PCBP3: variants seen among roughly 807,000 people sequenced by gnomAD.
The protein encoded by PCBP3 is poly(rC)-binding protein 3.
PCBP3 carries 25 observed loss-of-function variants against 52.7 expected under a neutral mutation model. That is an observed-to-expected ratio of 0.47 (90% confidence interval 0.35 to 0.66). The LOEUF (loss-of-function observed/expected upper bound fraction) is 0.66. PCBP3 is among the 30% of genes least tolerant of loss of function. The pLI is 0.01. For synonymous variants in PCBP3, 162 were observed against 183.0 expected (o/e 0.89, Z 0.93); for missense variants, 391 against 490.3 (o/e 0.80, Z 1.91).
chr21:45,860,150 A>G (rs2094456713), intron 5 of PCBP3, among the ~76,000 whole-genome samples: 1 of 139,342 alleles, frequency 7.2e-6, no homozygotes, highest in Non-Finnish European at 1.5e-5. Flanking sequence ...GACCAGAGCC[A>G]GGCCCAGGTG....
At position 45,901,177 on chromosome 21, in the gene PCBP3, C is replaced by T. The variant is rs1213164946; in HGVS notation, c.339+64C>T. ...GGCAGGCCTGGTCCCAGCTGGCTCC[C>T]TGGGTCCTCTCCCCTACACCTGGAC... On this transcript the variant is annotated intron_variant, in intron 9 of 17. Coordinates refer to ENST00000681687, the MANE Select transcript of PCBP3 (RefSeq NM_001384156.1). 4 of 1,149,758 alleles carry T rather than the reference C, an allele frequency of 3.5e-6. No homozygotes were observed. In the African/African-American group the frequency reaches 6.0e-5, roughly 17 times the overall value. 71.2% of individuals were successfully genotyped at this position (1,149,758 alleles called of 1,614,324 possible).
rs1178613544 is a variant in PCBP3 at position 45,735,111 on chromosome 21, G to A, written c.-199-281G>A. On this transcript the variant is annotated intron_variant, in intron 2 of 17. Coordinates refer to ENST00000681687, the MANE Select transcript of PCBP3 (RefSeq NM_001384156.1). This position sits in a 1 kb window ranked among gnomAD's most constrained non-coding sequence, Gnocchi z 4.0. Reference sequence around the variant, plus strand: ...CTGTGCCCCAGACGTCAGTCAGGCCGAGGACTGTGGGTCAAGGTTCAGGGA... The same window carrying A: ...CTGTGCCCCAGACGTCAGTCAGGCCAAGGACTGTGGGTCAAGGTTCAGGGA... Among the ~76,000 whole-genome samples the A allele has an allele frequency of 1.3e-5, 2 of 152,210 alleles. No homozygotes were observed. Among genetic ancestry groups the A allele is most frequent in the Non-Finnish European group, 2.9e-5 (2 of 68,040 alleles).
At chr21:45,926,155 G>A (rs1182192321) in intron 13 of PCBP3, among the ~76,000 whole-genome samples, 2 of 152,226 alleles carry the variant, frequency 1.3e-5, no homozygotes, top group Non-Finnish European at 2.9e-5. Flanking sequence ...CACAGACGAT[G>A]GTGATGCCAT....
At chr21:45,893,755 T>C (rs2095748580) in intron 5 of PCBP3, 3 of 985,306 alleles carry the variant, frequency 3.0e-6, no homozygotes, top group African/African-American at 1.7e-5. Flanking sequence ...ACCAGAGCTC[T>C]GCCTGTTTCT....
chr21:45,819,684 C>T (rs1461176620), intron 4 of PCBP3, among the ~76,000 whole-genome samples: 1 of 152,224 alleles, frequency 6.6e-6, no homozygotes, highest in Non-Finnish European at 1.5e-5. Flanking sequence ...GGGGAAGGCT[C>T]CTGGGGACTG....
At chr21:45,813,063 T>C (rs1293894444) in intron 4 of PCBP3, among the ~76,000 whole-genome samples, 1 of 151,982 alleles carries the variant, frequency 6.6e-6, no homozygotes, top group Non-Finnish European at 1.5e-5. Context: ...TGATTGACAC[T>C]AGCCATCAAA....
intron 5 of PCBP3, chr21:45,872,458 T>G (rs1389088413): frequency 6.6e-6 from 1 of 152,250 alleles, no homozygotes; most frequent in African/African-American, 2.4e-5. Context: ...GAACACAGAT[T>G]TGGAACCAGT....
chr21:45,739,586 G>C (rs1603358394), intron 3 of PCBP3, among the ~76,000 whole-genome samples: 1 of 28,014 alleles, frequency 3.6e-5, no homozygotes, highest in Admixed American at 4.6e-4. Context: ...TCCTCTGGGT[G>C]CCCCCCCCCA....
chr21:45,784,331 G>A (rs2090874278), intron 4 of PCBP3, among the ~76,000 whole-genome samples: 3 of 103,712 alleles, frequency 2.9e-5, no homozygotes, highest in South Asian at 5.2e-4. Context: ...TGTTAATAGT[G>A]ACAGCTCTAC....
intron 2 of PCBP3, among the ~76,000 whole-genome samples, chr21:45,697,837 T>A (rs1384750153): frequency 6.6e-6 from 1 of 152,072 alleles, no homozygotes; most frequent in Admixed American, 6.5e-5. Context: ...TAGCCATGGC[T>A]CATTTTTGAA....
chr21:45,885,861 C>A (rs181808860), intron 5 of PCBP3, among the ~76,000 whole-genome samples: 13 of 152,352 alleles, frequency 8.5e-5, no homozygotes, highest in Admixed American at 7.8e-4. Context: ...ACAGCTCTGT[C>A]ATCCTGGGGC....
chr21:45,726,872 G>A (rs2085087371), intron 2 of PCBP3, among the ~76,000 whole-genome samples: 1 of 152,196 alleles, frequency 6.6e-6, no homozygotes, highest in Admixed American at 6.5e-5. Context: ...AAACTGGGTT[G>A]TTTATTTTCT....
At position 45,880,561 on chromosome 21, in the gene PCBP3, G is replaced by C. The variant is rs1378842482; in HGVS notation, c.11-15647G>C. Among the ~76,000 whole-genome samples the C allele has an allele frequency of 6.6e-6, 1 of 152,224 alleles. No individual in the cohort carries two copies. Among genetic ancestry groups the C allele is most frequent in the Non-Finnish European group, 1.5e-5 (1 of 68,048 alleles). ...GAGCTGGGCTCAGTGCTCATGGTGT[G>C]AATCTGTCTAATCCTTAAATACATA... On this transcript the variant is annotated intron_variant, in intron 5 of 17. Coordinates refer to ENST00000681687, the MANE Select transcript of PCBP3 (RefSeq NM_001384156.1). This position sits in a 1 kb window ranked among gnomAD's most constrained non-coding sequence, Gnocchi z 5.4.
At chr21:45,809,749 A>G (rs1471396621) in intron 4 of PCBP3, among the ~76,000 whole-genome samples, 3 of 152,154 alleles carry the variant, frequency 2.0e-5, no homozygotes. Flanking sequence ...ATCATCTCCC[A>G]TCAGAGACCC....
intron 1 of PCBP3, among the ~76,000 whole-genome samples, chr21:45,646,958 T>C (rs1454114408): frequency 6.6e-6 from 1 of 152,218 alleles, no homozygotes; most frequent in Non-Finnish European, 1.5e-5. Context: ...TACTCTCTTT[T>C]CTCTAATATT....
At chr21:45,647,486 A>G (rs1250757677) in intron 1 of PCBP3, among the ~76,000 whole-genome samples, 1 of 151,642 alleles carries the variant, frequency 6.6e-6, no homozygotes, top group African/African-American at 2.4e-5. Flanking sequence ...TTGAGGGGCA[A>G]TTCATTTGGG....
At chr21:45,730,058 T>C (rs887340231) in intron 2 of PCBP3, among the ~76,000 whole-genome samples, 1 of 151,986 alleles carries the variant, frequency 6.6e-6, no homozygotes, top group Non-Finnish European at 1.5e-5. Context: ...TTTCAGCTTA[T>C]AGATTTTTAT....
chr21:45,878,815 C>T (rs1283132445), intron 5 of PCBP3, among the ~76,000 whole-genome samples: 1 of 152,222 alleles, frequency 6.6e-6, no homozygotes, highest in Non-Finnish European at 1.5e-5. Flanking sequence ...TAGGAACCCT[C>T]AGCCTCTCCA....
chr21:45,887,779 G>A (rs1248891352), intron 5 of PCBP3, among the ~76,000 whole-genome samples: 1 of 152,190 alleles, frequency 6.6e-6, no homozygotes, highest in Admixed American at 6.5e-5. Flanking sequence ...CTGCCAGGTC[G>A]CCCTTTATAG....
Sources: gnomAD v4.1 joint callset for allele counts (sites outside exome capture counted in the v4.1 genomes callset) on GRCh38, gnomAD v4.1.1 for gene constraint, Gnocchi (gnomAD v3.1) non-coding constraint, MANE v1.5 for transcripts, NCBI Gene and HGNC (gene_info 2026-07-23, HGNC 2026-07-21) for gene names.